Variants in CFAP20DC observed in about 807,000 individuals in gnomAD.
The protein encoded by CFAP20DC is CFAP20 domain containing, also known as protein CFAP20DC.
CFAP20DC carries 84 observed loss-of-function variants against 101.7 expected under a neutral mutation model. The ratio of observed to expected loss-of-function variants is 0.83; its 90% CI spans 0.69 to 0.99. CFAP20DC has a LOEUF of 0.99. Ranked by LOEUF, CFAP20DC falls within the 50% of genes least tolerant of loss-of-function variation. CFAP20DC has a pLI of 0.00. For missense variants in CFAP20DC, 1,007 were observed against 970.3 expected (o/e 1.04, Z -0.50); for synonymous variants, 359 against 351.2 (o/e 1.02, Z -0.25).
intron 4 of CFAP20DC, among the ~76,000 whole-genome samples, chr3:59,031,856 AACTT>A (rs2094001361): frequency 6.6e-6 from 1 of 152,186 alleles, no homozygotes; most frequent in Non-Finnish European, 1.5e-5. Context: ...GTTTGTACCA[AACTT>A]ACTTAGTAAA....
chr3:58,956,062 C>A (rs186097180), intron 4 of CFAP20DC, among the ~76,000 whole-genome samples: 400 of 151,400 alleles, frequency 2.6e-3, no homozygotes, highest in Middle Eastern at 0.01. Flanking sequence ...ACACTGAGGG[C>A]CTAAGACTTG....
chr3:58,824,176 G>A (rs1400184871), intron 14 of CFAP20DC, among the ~76,000 whole-genome samples: 1 of 152,084 alleles, frequency 6.6e-6, no homozygotes, highest in Admixed American at 6.6e-5. Flanking sequence ...TACCTTTTTA[G>A]TTCAGGAGGA....
chr3:58,840,497 C>A (rs1444567961), intron 13 of CFAP20DC, among the ~76,000 whole-genome samples: 1 of 152,182 alleles, frequency 6.6e-6, no homozygotes, highest in Non-Finnish European at 1.5e-5. Context: ...ATATTTTTCT[C>A]TCTTTAGGTT....
chr3:58,973,290 C>A (rs2092060629), intron 4 of CFAP20DC, among the ~76,000 whole-genome samples: 1 of 152,230 alleles, frequency 6.6e-6, no homozygotes, highest in Admixed American at 6.5e-5. Flanking sequence ...TCCTTACCAA[C>A]ACCACCTCCC....
chr3:58,888,511 C>G (rs2081860348), intron 6 of CFAP20DC, among the ~76,000 whole-genome samples: 1 of 152,104 alleles, frequency 6.6e-6, no homozygotes, highest in Non-Finnish European at 1.5e-5. Flanking sequence ...CATCCCATCA[C>G]CCAGGTATTA....
At chr3:58,953,956 A>G (rs570179675) in intron 4 of CFAP20DC, 42 of 152,330 alleles carry the variant, frequency 2.8e-4, no homozygotes, top group African/African-American at 9.9e-4. Flanking sequence ...AGGGTCAGCA[A>G]TGTGATAGAA....
At chr3:58,890,150 C>A (rs1470940908) in intron 6 of CFAP20DC, among the ~76,000 whole-genome samples, 2 of 150,670 alleles carry the variant, frequency 1.3e-5, no homozygotes, top group Non-Finnish European at 3.0e-5. Flanking sequence ...CGCCCCTCAC[C>A]TCCCGGACGG....
rs2079240981 is a variant in CFAP20DC at position 58,861,460 on chromosome 3, TA to T, written c.1593+2097del. ...TATGTAAATAAACATTGTAAATATG[TA>T]GCCTAATTTCCCATTGATTTATACA... On this transcript the variant is annotated intron_variant, in intron 12 of 16. Coordinates refer to ENST00000482387, the MANE Select transcript of CFAP20DC (RefSeq NM_001394063.1). This position sits in a 1 kb window ranked among gnomAD's most constrained non-coding sequence, Gnocchi z 4.0. 1.1e-6 allele frequency: 1 copy of T among 897,612 alleles called. No homozygotes were observed. Among genetic ancestry groups the T allele is most frequent in the Non-Finnish European group, 1.3e-6 (1 of 750,160 alleles). 55.6% of individuals were successfully genotyped at this position (897,612 alleles called of 1,614,324 possible). A position where few individuals can be genotyped will look rare whatever the true frequency, so the allele number is the denominator to read the frequency against.
intron 15 of CFAP20DC, among the ~76,000 whole-genome samples, chr3:58,762,666 T>C (rs1183117704): frequency 6.6e-6 from 1 of 152,230 alleles, no homozygotes; most frequent in African/African-American, 2.4e-5. Context: ...GTTTTTGCCG[T>C]GGCTGGTACT....
At chr3:58,850,653 T>G (rs2078145937) in intron 12 of CFAP20DC, among the ~76,000 whole-genome samples, 1 of 149,314 alleles carries the variant, frequency 6.7e-6, no homozygotes, top group South Asian at 2.2e-4. Flanking sequence ...AAATATATAA[T>G]AAATGGATGT....
At position 58,874,055 on chromosome 3, in the gene CFAP20DC, C is replaced by G. The variant is rs773798772; in HGVS notation, c.716-3746G>C. Among the ~76,000 whole-genome samples the G allele has an allele frequency of 1.2e-4, 18 of 152,368 alleles. No homozygotes were observed. Among genetic ancestry groups the G allele is most frequent in the Middle Eastern group, 6.8e-3 (2 of 294 alleles). ...CATCAGGTGACTCCTTAATTTATATCTCTTAGCCTTGTCCTCTCTTCTGAG... is the reference window on the plus strand; with the variant it reads ...CATCAGGTGACTCCTTAATTTATATGTCTTAGCCTTGTCCTCTCTTCTGAG... On this transcript the variant is annotated intron_variant, in intron 7 of 16. Transcript: ENST00000482387. The surrounding 1 kb of genome is among the most constrained non-coding windows in gnomAD (Gnocchi z 5.1).
At chr3:58,808,671 A>C (rs2074332175) in intron 14 of CFAP20DC, among the ~76,000 whole-genome samples, 1 of 152,190 alleles carries the variant, frequency 6.6e-6, no homozygotes, top group African/African-American at 2.4e-5. Context: ...GAGCAAAATA[A>C]CCAGCTAACA....
intron 15 of CFAP20DC, among the ~76,000 whole-genome samples, chr3:58,786,268 T>C (rs2072328511): frequency 6.6e-6 from 1 of 152,144 alleles, no homozygotes; most frequent in Non-Finnish European, 1.5e-5. Context: ...GCCTGCTCTA[T>C]CCCACTTTAT....
At chr3:58,760,512 T>G (rs1188371852) in intron 15 of CFAP20DC, among the ~76,000 whole-genome samples, 2 of 152,156 alleles carry the variant, frequency 1.3e-5, no homozygotes, top group Non-Finnish European at 2.9e-5. Flanking sequence ...TTTTCCTAAT[T>G]GAATACCCTT....
chr3:59,038,747 T>C (rs1211954932), intron 4 of CFAP20DC, among the ~76,000 whole-genome samples: 1 of 152,108 alleles, frequency 6.6e-6, no homozygotes, highest in Non-Finnish European at 1.5e-5. Context: ...TTAATAAATA[T>C]TGTGTGTTTG....
At chr3:58,843,530 C>T (rs1248414541) in intron 13 of CFAP20DC, among the ~76,000 whole-genome samples, 11 of 151,768 alleles carry the variant, frequency 7.2e-5, no homozygotes, top group East Asian at 1.9e-4. Context: ...ACCAAATCTA[C>T]GTCTGATTGG....
At chr3:58,992,843 T>C (rs983406916) in intron 4 of CFAP20DC, among the ~76,000 whole-genome samples, 8 of 151,948 alleles carry the variant, frequency 5.3e-5, no homozygotes, top group Admixed American at 3.3e-4. Context: ...TTCAGTTTTA[T>C]CCAAAAAAGG....
intron 4 of CFAP20DC, among the ~76,000 whole-genome samples, chr3:58,963,622 T>C (rs1055556495): frequency 1.3e-5 from 2 of 152,152 alleles, no homozygotes; most frequent in Non-Finnish European, 1.5e-5. Context: ...CACTGTTTTT[T>C]TAATCCCCCT....
chr3:58,926,891 A>G (rs922852134), intron 5 of CFAP20DC, among the ~76,000 whole-genome samples: 1 of 152,230 alleles, frequency 6.6e-6, no homozygotes, highest in South Asian at 2.1e-4. Flanking sequence ...GCTGAATGAT[A>G]TCTCATAATT....
Sources: allele counts gnomAD v4.1 joint callset (sites outside exome capture counted in the v4.1 genomes callset), GRCh38; gene constraint gnomAD v4.1.1; non-coding constraint Gnocchi (gnomAD v3.1); transcripts MANE v1.5; gene names NCBI Gene and HGNC (gene_info 2026-07-23, HGNC 2026-07-21).